Variants in PALLD observed in about 807,000 individuals in gnomAD.
PALLD encodes the protein palladin.
Under a neutral mutation model 123.5 loss-of-function variants are expected in PALLD, and 61 were observed. That is an observed-to-expected ratio of 0.49 (90% CI 0.40 to 0.61). The LOEUF (loss-of-function observed/expected upper bound fraction) is 0.61. PALLD is among the 20% of genes least tolerant of loss of function. The pLI, the probability that PALLD is intolerant of heterozygous loss-of-function variation, is 0.00. For synonymous variants in PALLD, 465 were observed against 496.4 expected (o/e 0.94, Z 0.84); for missense variants, 1,273 against 1,377.0 (o/e 0.92, Z 1.20).
At chr4:168,547,114 T>C (rs1766210835) in intron 2 of PALLD, among the ~76,000 whole-genome samples, 1 of 152,164 alleles carries the variant, frequency 6.6e-6, no homozygotes, top group Admixed American at 6.5e-5. Flanking sequence ...TTGATCCATC[T>C]GCCTTTACCT....
intron 15 of PALLD, among the ~76,000 whole-genome samples, chr4:168,909,582 C>T (rs758066255): frequency 3.2e-4 from 48 of 152,110 alleles, no homozygotes; most frequent in Non-Finnish European, 5.6e-4. Context: ...GGTTTCCTGG[C>T]TCATTTCAAG....
At chr4:168,668,706 G>A (rs529364813) in intron 3 of PALLD, among the ~76,000 whole-genome samples, 11 of 152,130 alleles carry the variant, frequency 7.2e-5, no homozygotes, top group Non-Finnish European at 1.2e-4. Context: ...AAAGTTAAAC[G>A]ATAAATGACT....
chr4:168,501,394 G>A lies in PALLD; in HGVS notation c.-83+4200G>A, dbSNP rs146638586. Among the ~76,000 whole-genome samples, 533 of 152,102 alleles carry A rather than the reference G, an allele frequency of 3.5e-3. 2 individuals carry two copies. The highest frequency in any genetic ancestry group is 0.012 in the African/African-American group (507 of 41,482). On this transcript the variant is annotated intron_variant, in intron 1 of 21. Coordinates refer to ENST00000505667, the MANE Select transcript of PALLD (RefSeq NM_001166108.2). ...ACACCATCGCACTACTACAGCAGGG[G>A]CAAAATTGAAAAGAAAGGAAAAGAG...
In PALLD at chr4:168,759,201, AAATATATATATATATATATATATAT is replaced by A. The variant is rs1201980258; in HGVS notation, c.1964+47280_1964+47304del. The stretch of plus-strand genomic sequence containing the variant: ...TCTCAAAAAAAAAAAAAAAAAAAAA[AAATATATATATATATATATATATAT>A]ATATATATATATATATATAGAAACA... On this transcript the variant is annotated intron_variant, in intron 10 of 21. Transcript: ENST00000505667. 1.8e-3 allele frequency among the ~76,000 whole-genome samples: 62 copies of A among 34,500 alleles called. 2 individuals are homozygous for A. Among genetic ancestry groups the A allele is most frequent in the East Asian group, 2.8e-3 (4 of 1,428 alleles). The allele number at this position is 34,500 out of a possible 152,430, so 22.6% of individuals were successfully genotyped here.
intron 2 of PALLD, among the ~76,000 whole-genome samples, chr4:168,589,768 T>C (rs1036643708): frequency 1.3e-5 from 2 of 152,220 alleles, no homozygotes; most frequent in African/African-American, 4.8e-5. Context: ...TCAAGCCTAA[T>C]GGACTTTTCT....
At chr4:168,761,516 C>T (rs1261528171) in intron 10 of PALLD, among the ~76,000 whole-genome samples, 1 of 151,996 alleles carries the variant, frequency 6.6e-6, no homozygotes, top group Non-Finnish European at 1.5e-5. Context: ...GCTGGAGTGC[C>T]ATGGTGCAGT....
At chr4:168,811,774 T>TCA (rs879411684) in intron 10 of PALLD, among the ~76,000 whole-genome samples, 356 of 109,488 alleles carry the variant, frequency 3.3e-3, no homozygotes, top group African/African-American at 5.6e-3. Flanking sequence ...TCTCTCTCTC[T>TCA]CTCACACACA....
intron 10 of PALLD, among the ~76,000 whole-genome samples, chr4:168,803,547 T>C (rs1398300772): frequency 2.0e-5 from 3 of 151,978 alleles, no homozygotes; most frequent in African/African-American, 7.2e-5. Flanking sequence ...TTAGCTGGGC[T>C]TTATGGCGCA....
At chr4:168,682,583 A>G (rs960551486) in intron 4 of PALLD, among the ~76,000 whole-genome samples, 3 of 152,216 alleles carry the variant, frequency 2.0e-5, no homozygotes, top group Non-Finnish European at 4.4e-5. Flanking sequence ...TAGACAACCA[A>G]AACTTTGAGT....
At chr4:168,508,408 G>A (rs958950390) in intron 1 of PALLD, among the ~76,000 whole-genome samples, 19 of 152,246 alleles carry the variant, frequency 1.2e-4, no homozygotes, top group East Asian at 1.2e-3. Context: ...CGTCCCTAGC[G>A]CACTACCAGG....
At chr4:168,628,881 C>A (rs1236391991) in intron 2 of PALLD, among the ~76,000 whole-genome samples, 1 of 152,168 alleles carries the variant, frequency 6.6e-6, no homozygotes, top group Non-Finnish European at 1.5e-5. Flanking sequence ...TAGTCTGTGG[C>A]ATGAAGTAGG....
At chr4:168,720,273 A>G (rs536667988) in intron 10 of PALLD, among the ~76,000 whole-genome samples, 2 of 152,352 alleles carry the variant, frequency 1.3e-5, no homozygotes, top group East Asian at 3.9e-4. Flanking sequence ...ATTCAGTGCA[A>G]CCCAAATGCC....
chr4:168,646,917 A>G (rs1777518235), intron 2 of PALLD, among the ~76,000 whole-genome samples: 1 of 152,208 alleles, frequency 6.6e-6, no homozygotes, highest in Non-Finnish European at 1.5e-5. Flanking sequence ...TAATGGTATA[A>G]ATATGATATC....
intron 10 of PALLD, chr4:168,885,378 AC>A (rs1434078295): frequency 6.6e-6 from 1 of 152,200 alleles, no homozygotes; most frequent in East Asian, 1.9e-4. Context: ...CAGTGTGAAT[AC>A]TAAAATTGCA....
At chr4:168,896,103 G>A (rs1755083907) in intron 12 of PALLD, among the ~76,000 whole-genome samples, 2 of 152,058 alleles carry the variant, frequency 1.3e-5, no homozygotes, top group South Asian at 2.1e-4. Flanking sequence ...CCAGCTACGC[G>A]GGAGGCTGAG....
intron 2 of PALLD, among the ~76,000 whole-genome samples, chr4:168,611,510 C>T (rs1221422824): frequency 1.3e-5 from 2 of 152,182 alleles, no homozygotes; most frequent in Non-Finnish European, 2.9e-5. Flanking sequence ...AAAACAAAAA[C>T]ACCTAAACCT....
At chr4:168,881,414 C>T (rs184538527) in intron 10 of PALLD, among the ~76,000 whole-genome samples, 5 of 151,408 alleles carry the variant, frequency 3.3e-5, no homozygotes, top group South Asian at 2.1e-4. Context: ...ACCACAAAGC[C>T]GAGGCAAAAG....
chr4:168,799,032 G>A (rs1342682926), intron 10 of PALLD, among the ~76,000 whole-genome samples: 1 of 152,168 alleles, frequency 6.6e-6, no homozygotes, highest in African/African-American at 2.4e-5. Flanking sequence ...CTTGTGGTCA[G>A]AACAAATTTA....
intron 2 of PALLD, among the ~76,000 whole-genome samples, chr4:168,605,935 CA>C (rs1773119501): frequency 6.8e-6 from 1 of 146,200 alleles, no homozygotes; most frequent in Non-Finnish European, 1.5e-5. Context: ...AGAGTTTGCC[CA>C]ATTTTTTTTT....
Sources: allele counts gnomAD v4.1 joint callset (sites outside exome capture counted in the v4.1 genomes callset), GRCh38; gene constraint gnomAD v4.1.1; transcripts MANE v1.5; gene names NCBI Gene and HGNC (gene_info 2026-07-23, HGNC 2026-07-21).